HMOX2: variants seen among roughly 807,000 people sequenced by gnomAD.
The protein encoded by HMOX2 is heme oxygenase 2, also known as heme oxygenase (decycling) 2.
In HMOX2, 30 loss-of-function variants were observed where a neutral mutation model predicts 33.7. The observed-to-expected ratio is 0.89, with a 90% CI of 0.67 to 1.21. The LOEUF is 1.21. Ranked by LOEUF, HMOX2 falls within the 50% of genes most tolerant of loss-of-function variation. The pLI is 0.00. For synonymous variants in HMOX2, 155 were observed against 155.0 expected, an observed-to-expected ratio of 1.00 and a Z score of 0.00; for missense variants, 403 against 399.1, an observed-to-expected ratio of 1.01 and a Z score of -0.08.
intron 3 of HMOX2, among the ~76,000 whole-genome samples, chr16:4,507,444 C>A: frequency 6.6e-6 from 1 of 150,978 alleles, no homozygotes. Flanking sequence ...GACTCTTTAC[C>A]CCGCCAAAAA....
chr16:4,484,500 A>ACCC (rs1302590153), intron 1 of HMOX2, among the ~76,000 whole-genome samples: 1 of 122,536 alleles, frequency 8.2e-6, no homozygotes, highest in Admixed American at 9.5e-5. Flanking sequence ...TTGCACTGTC[A>ACCC]CCCAGGCTGG....
chr16:4,487,877 G>T (rs543190918), intron 1 of HMOX2, among the ~76,000 whole-genome samples: 56 of 151,900 alleles, frequency 3.7e-4, no homozygotes, highest in Admixed American at 1.6e-3. Flanking sequence ...CTTGAACCCG[G>T]GAGGCGGAGG....
intron 1 of HMOX2, among the ~76,000 whole-genome samples, chr16:4,477,730 C>T (rs2057905109): frequency 6.6e-6 from 1 of 151,818 alleles, no homozygotes; most frequent in Non-Finnish European, 1.5e-5. Flanking sequence ...ATCAGCCTGG[C>T]CAACATGGTG....
intron 1 of HMOX2, among the ~76,000 whole-genome samples, chr16:4,498,227 G>A (rs375344226): frequency 6.6e-6 from 1 of 151,690 alleles, no homozygotes; most frequent in Non-Finnish European, 1.5e-5. Context: ...ACCACACCTG[G>A]CTAATTTTTT....
intron 1 of HMOX2, among the ~76,000 whole-genome samples, chr16:4,485,284 A>T (rs2058139279): frequency 6.6e-6 from 1 of 152,020 alleles, no homozygotes; most frequent in African/African-American, 2.4e-5. Flanking sequence ...AATATTTTTA[A>T]TCTGAGGTTG....
chr16:4,493,128 G>C (rs553608636), intron 1 of HMOX2, among the ~76,000 whole-genome samples: 1 of 152,110 alleles, frequency 6.6e-6, no homozygotes, highest in African/African-American at 2.4e-5. Context: ...TTACCTCCTA[G>C]GCTCAAGTGA....
chr16:4,482,265 A>AT (rs1213810778), intron 1 of HMOX2, among the ~76,000 whole-genome samples: 2 of 152,214 alleles, frequency 1.3e-5, no homozygotes, highest in Non-Finnish European at 2.9e-5. Context: ...GGGGAAAAAT[A>AT]TGCTGTTCTG....
intron 1 of HMOX2, among the ~76,000 whole-genome samples, chr16:4,487,837 G>A (rs554446314): frequency 3.2e-4 from 49 of 151,820 alleles, no homozygotes; most frequent in African/African-American, 1.1e-3. Context: ...TGTAATCCCA[G>A]CTACTCGGGA....
At chr16:4,495,952 G>T (rs1402098551) in intron 1 of HMOX2, 6 of 152,096 alleles carry the variant, frequency 3.9e-5, no homozygotes, top group Admixed American at 3.9e-4. Context: ...GCCTTGGCCT[G>T]CCCTGTTAGT....
At chr16:4,483,112 C>T (rs2058072001) in intron 1 of HMOX2, among the ~76,000 whole-genome samples, 1 of 151,634 alleles carries the variant, frequency 6.6e-6, no homozygotes, top group Admixed American at 6.6e-5. Flanking sequence ...TCTACGCCCT[C>T]TCTGGAACTT....
At chr16:4,483,958 T>TAATTTTTG (rs1300068876) in intron 1 of HMOX2, among the ~76,000 whole-genome samples, 1 of 146,550 alleles carries the variant, frequency 6.8e-6, no homozygotes, top group Non-Finnish European at 1.5e-5. Context: ...ATCACACCCG[T>TAATTTTTG]GCATATGCCC....
intron 1 of HMOX2, among the ~76,000 whole-genome samples, chr16:4,494,115 G>C (rs1042349873): frequency 3.3e-5 from 5 of 152,082 alleles, no homozygotes; most frequent in African/African-American, 4.8e-5. Flanking sequence ...AGGAGATCGA[G>C]ACCATCCTGG....
At chr16:4,497,179 G>C (rs2058442527) in intron 1 of HMOX2, among the ~76,000 whole-genome samples, 1 of 152,092 alleles carries the variant, frequency 6.6e-6, no homozygotes, top group African/African-American at 2.4e-5. Flanking sequence ...AAGCTTACAG[G>C]TGACAATTTT....
chr16:4,480,496 C>T (rs1192465096), intron 1 of HMOX2, among the ~76,000 whole-genome samples: 1 of 151,772 alleles, frequency 6.6e-6, no homozygotes, highest in African/African-American at 2.4e-5. Flanking sequence ...AGGTGTGTGC[C>T]ACCACACCCA....
At chr16:4,475,202 C>G (rs2057783783), upstream of HMOX2, among the ~76,000 whole-genome samples, 1 of 152,134 alleles carries the variant, frequency 6.6e-6, no homozygotes, top group Non-Finnish European at 1.5e-5. Context: ...ATCCACCCAC[C>G]TCAGCCTCCC....
intron 4 of HMOX2, 125 bp downstream of exon 4, chr16:4,508,329 A>G: frequency 2.6e-6 from 3 of 1,157,806 alleles, no homozygotes; most frequent in Non-Finnish European, 3.7e-6. Flanking sequence ...TGCCGAGAGG[A>G]AGGTGGCCAC....
intron 1 of HMOX2, among the ~76,000 whole-genome samples, chr16:4,492,715 C>T (rs1049432747): frequency 1.3e-5 from 2 of 151,316 alleles, no homozygotes; most frequent in African/African-American, 4.9e-5. Flanking sequence ...GAGACTCTGT[C>T]TCAAAAACAA....
chr16:4,493,452 T>G (rs927823618), intron 1 of HMOX2, among the ~76,000 whole-genome samples: 1 of 152,264 alleles, frequency 6.6e-6, no homozygotes, highest in Non-Finnish European at 1.5e-5. Context: ...TTAATTCTCA[T>G]ACCCACCTTG....
intron 1 of HMOX2, chr16:4,496,122 CTTTCTT>C (rs1339552830): frequency 3.2e-5 from 3 of 95,156 alleles, no homozygotes; most frequent in Non-Finnish European, 5.7e-5. Flanking sequence ...GCTCACTTTT[CTTTCTT>C]TTTTTTTTTT....
Sources: gnomAD v4.1 joint callset for allele counts (sites outside exome capture counted in the v4.1 genomes callset) on GRCh38, gnomAD v4.1.1 for gene constraint, MANE v1.5 for transcripts, NCBI Gene and HGNC (gene_info 2026-07-23, HGNC 2026-07-21) for gene names.